Variants in PDE11A observed in about 807,000 individuals in gnomAD.
PDE11A encodes the protein phosphodiesterase 11A.
A neutral mutation model predicts 100.5 loss-of-function variants in PDE11A; 100 were observed. That is an observed-to-expected ratio of 1.00 (90% CI 0.85 to 1.18). The LOEUF is 1.18. PDE11A is among the 50% of genes most tolerant of loss of function. The pLI is 0.00. For missense variants in PDE11A, 1,141 were observed against 1,152.6 expected, an observed-to-expected ratio of 0.99 and a Z score of 0.15; for synonymous variants, 381 against 420.8, an observed-to-expected ratio of 0.91 and a Z score of 1.16.
intron 19 of PDE11A, among the ~76,000 whole-genome samples, chr2:177,637,097 T>C (rs2080049840): frequency 6.6e-6 from 1 of 152,256 alleles, no homozygotes; most frequent in Non-Finnish European, 1.5e-5. Context: ...GAATGTTCAC[T>C]GTGCTGGGCT....
At chr2:177,817,982 T>G in intron 7 of PDE11A, 57 bp from the exon 8 acceptor site, 1 of 841,386 alleles carries the variant, frequency 1.2e-6, no homozygotes, top group Non-Finnish European at 2.1e-6. Flanking sequence ...TGTGTTTCTC[T>G]AATAGAGTAG....
At chr2:177,672,784 G>A (rs1408025523) in intron 17 of PDE11A, among the ~76,000 whole-genome samples, 1 of 152,180 alleles carries the variant, frequency 6.6e-6, no homozygotes, top group Non-Finnish European at 1.5e-5. Context: ...GGGACTTGTA[G>A]GGATGGAAGA....
chr2:177,669,557 A>C lies in PDE11A; in HGVS notation c.2498T>G (p.Leu833Arg), dbSNP rs2080645030. Residue 833 changes from leucine to arginine, a missense_variant, in exon 18 of 20, where the codon CTT becomes CGT. Leu to Arg is a moderately radical substitution (Grantham distance 102, BLOSUM62 -2). Coordinates refer to ENST00000286063, the MANE Select transcript of PDE11A (RefSeq NM_016953.4). The stretch of plus-strand genomic sequence containing the variant: ...TTGTTCGAAGAACTCACTGGTTACA[A>C]GTTCTGCCACCTGAAACATATAAAT... ...PWEISRQVAE[L>R]VTSEFFEQGD... 7.0e-7 allele frequency: 1 copy of C among 1,434,182 alleles called. No individual in the cohort carries two copies. 88.8% of individuals were successfully genotyped at this position (1,434,182 alleles called of 1,614,324 possible).
At chr2:177,683,374 G>C (rs951049724) in intron 15 of PDE11A, 9 of 152,246 alleles carry the variant, frequency 5.9e-5, no homozygotes, top group Non-Finnish European at 1.2e-4. Context: ...GGTGTATACA[G>C]TTCTTTTCTT....
chr2:177,766,349 T>C (rs560609511), intron 10 of PDE11A, among the ~76,000 whole-genome samples: 1 of 152,308 alleles, frequency 6.6e-6, no homozygotes, highest in South Asian at 2.1e-4. Context: ...CGCCTGCTGC[T>C]CACCTCCTGC....
Position 178,064,187 on chromosome 2 carries a change from GCATGTTCTGTCA to G in PDE11A, c.912+7327_912+7338del, listed in dbSNP as rs1198231028. Among the ~76,000 whole-genome samples the G allele has an allele frequency of 3.3e-5, 5 of 152,150 alleles. No homozygotes were observed. In the East Asian group the frequency reaches 9.6e-4, roughly 29 times the overall value. On this transcript the variant is annotated intron_variant, in intron 1 of 19. Transcript: ENST00000286063. ...CACAATTCCTGACTGTAAGTCTAGA[GCATGTTCTGTCA>G]CACTCTGATGCCTTTTACAGTTTAA...
chr2:178,000,214 T>A (rs1340376561), intron 2 of PDE11A, among the ~76,000 whole-genome samples: 1 of 80,910 alleles, frequency 1.2e-5, no homozygotes, highest in Non-Finnish European at 3.4e-5. Context: ...TGCCTTCAAT[T>A]CAGAAAAGAA....
At chr2:177,757,303 A>G (rs1186685957) in intron 10 of PDE11A, among the ~76,000 whole-genome samples, 2 of 152,222 alleles carry the variant, frequency 1.3e-5, no homozygotes, top group East Asian at 3.8e-4. Context: ...CCTCAGCAGC[A>G]TGAACCAAGG....
chr2:177,916,635 C>T (rs1327998909), intron 2 of PDE11A, among the ~76,000 whole-genome samples: 3 of 152,186 alleles, frequency 2.0e-5, no homozygotes, highest in Non-Finnish European at 2.9e-5. Context: ...ACCTCTGGAA[C>T]GATTCTCAAA....
intron 9 of PDE11A, among the ~76,000 whole-genome samples, chr2:177,775,404 A>T (rs2082364870): frequency 6.6e-6 from 1 of 152,186 alleles, no homozygotes; most frequent in Non-Finnish European, 1.5e-5. Context: ...AGTGATCTTT[A>T]AAAAGTAGAA....
rs1297025939 is a variant in PDE11A, at chr2:177,697,382, C to T, written c.2295G>A (p.Met765Ile). ...CCAATATTGACTGCTTCAAAAGCTG[C>T]ATAAGGTCACTATATTCCTTGGAGG... The part of the protein sequence containing the change: ...NLSSKEYSDL[M>I]QLLKQSILAT... The change falls in exon 15 of 20, where the codon ATG (methionine) becomes ATA (isoleucine). Residue 765 changes from methionine (M) to isoleucine (I), a missense_variant. Physicochemically the swap from Met to Ile is conservative, Grantham distance 10. Transcript: ENST00000286063. The T allele has an allele frequency of 6.2e-7, 1 of 1,603,134 alleles. No individual in the cohort carries two copies. Among genetic ancestry groups the T allele is most frequent in the African/African-American group, 1.3e-5 (1 of 74,774 alleles).
intron 17 of PDE11A, among the ~76,000 whole-genome samples, chr2:177,675,187 C>A (rs1401299343): frequency 6.7e-6 from 1 of 149,032 alleles, no homozygotes; most frequent in African/African-American, 2.5e-5. Context: ...CCTTAATGGT[C>A]AATGTATTAT....
intron 1 of PDE11A, among the ~76,000 whole-genome samples, chr2:178,058,846 T>A (rs1347811067): frequency 6.6e-6 from 1 of 152,080 alleles, no homozygotes; most frequent in East Asian, 1.9e-4. Context: ...TAAATTACTA[T>A]GGAAGTTAGT....
intron 2 of PDE11A, among the ~76,000 whole-genome samples, chr2:177,984,566 A>G (rs2085919503): frequency 6.6e-6 from 1 of 152,202 alleles, no homozygotes; most frequent in Admixed American, 6.5e-5. Context: ...TCCTTGGGAT[A>G]TATAATGTAT....
intron 9 of PDE11A, among the ~76,000 whole-genome samples, chr2:177,775,690 C>G (rs1178931193): frequency 6.6e-6 from 1 of 152,216 alleles, no homozygotes; most frequent in Non-Finnish European, 1.5e-5. Flanking sequence ...GCTTTTCTAC[C>G]TCAGAGCTTC....
At chr2:178,104,473 T>C (rs2087595818) in exon 2 of PDE11A, 2 of 1,613,472 alleles carry the variant, frequency 1.2e-6, no homozygotes, top group Admixed American at 1.7e-5. Context: ...TCTCCCATGT[T>C]GCTCTGCAAT....
intron 15 of PDE11A, among the ~76,000 whole-genome samples, chr2:177,694,495 G>A (rs1208329609): frequency 6.6e-6 from 1 of 152,022 alleles, no homozygotes; most frequent in Non-Finnish European, 1.5e-5. Context: ...AAAATAAATA[G>A]GTTATAAAGC....
chr2:177,758,125 T>C (rs1198354165), intron 10 of PDE11A, among the ~76,000 whole-genome samples: 3 of 146,342 alleles, frequency 2.0e-5, no homozygotes, highest in East Asian at 2.0e-4. Context: ...TGAAACCCCA[T>C]CTCTACTAAA....
Position 177,625,979 on chromosome 2 carries a change from G to A in PDE11A, c.*3428C>T, listed in dbSNP as rs1323629242. The A allele has an allele frequency of 1.3e-5, 2 of 152,546 alleles. No homozygotes were observed. Among genetic ancestry groups the A allele is most frequent in the African/African-American group, 4.8e-5 (2 of 41,418 alleles). 9.4% of individuals were successfully genotyped at this position (152,546 alleles called of 1,614,324 possible). On this transcript the variant is annotated 3_prime_UTR_variant, in exon 20 of 20. Coordinates refer to ENST00000286063, the MANE Select transcript of PDE11A (RefSeq NM_016953.4). ...CAATAGGAAAGATACCTCAAGACAG[G>A]AGAAATAGATGGAGGCAATTACAAA... is the stretch of plus-strand genomic sequence containing the variant.
Sources: gnomAD v4.1 joint callset for allele counts (sites outside exome capture counted in the v4.1 genomes callset) on GRCh38, gnomAD v4.1.1 for gene constraint, MANE v1.5 for transcripts, NCBI Gene and HGNC (gene_info 2026-07-23, HGNC 2026-07-21) for gene names.